WAC: variants seen among roughly 807,000 people sequenced by gnomAD.
The protein encoded by WAC is WW domain containing adaptor with coiled-coil, also known as WW domain-containing adapter protein with coiled-coil.
WAC carries 11 observed loss-of-function variants against 79.6 expected under a neutral mutation model. That is an observed-to-expected ratio of 0.14 (90% CI 0.09 to 0.23). WAC has a LOEUF of 0.23. WAC is among the 10% of genes least tolerant of loss of function. WAC has a pLI of 1.00. For missense variants in WAC, 728 were observed against 773.5 expected (o/e 0.94, Z 0.70); for synonymous variants, 304 against 276.9 (o/e 1.10, Z -0.97).
chr10:28,593,932 G>A (rs958963232), intron 6 of WAC, among the ~76,000 whole-genome samples: 10 of 152,006 alleles, frequency 6.6e-5, no homozygotes, highest in African/African-American at 1.9e-4. Flanking sequence ...TGACACTTTG[G>A]GTGAAGTAAT....
At chr10:28,553,428 C>T (rs1837808526) in intron 3 of WAC, among the ~76,000 whole-genome samples, 1 of 151,978 alleles carries the variant, frequency 6.6e-6, no homozygotes, top group Non-Finnish European at 1.5e-5. Context: ...TAAACTTAAT[C>T]CACTGGGCAA....
At chr10:28,553,870 G>T (rs1395907467) in intron 3 of WAC, among the ~76,000 whole-genome samples, 1 of 152,086 alleles carries the variant, frequency 6.6e-6, no homozygotes, top group Non-Finnish European at 1.5e-5. Context: ...GTAATCTAGA[G>T]ATTTTTTTTC....
At chr10:28,576,428 G>T (rs1376155960) in intron 3 of WAC, among the ~76,000 whole-genome samples, 1 of 152,160 alleles carries the variant, frequency 6.6e-6, no homozygotes, top group Admixed American at 6.5e-5. Flanking sequence ...TCATTTGTTT[G>T]TGACAGATAT....
At chr10:28,559,205 G>T (rs933883137) in intron 3 of WAC, among the ~76,000 whole-genome samples, 3 of 151,512 alleles carry the variant, frequency 2.0e-5, no homozygotes, top group Non-Finnish European at 2.9e-5. Flanking sequence ...ATATGAGTTG[G>T]TGATAGTGCT....
At chr10:28,558,708 T>TA (rs1838133349) in intron 3 of WAC, among the ~76,000 whole-genome samples, 3 of 152,162 alleles carry the variant, frequency 2.0e-5, no homozygotes, top group African/African-American at 7.2e-5. Flanking sequence ...TAATAGTGAG[T>TA]TTGCTTTACA....
rs573966786 is a variant in WAC, at chr10:28,614,768, T to C, written c.1556+83T>C. On this transcript the variant is annotated intron_variant, in intron 11 of 13. Coordinates refer to ENST00000354911, the MANE Select transcript of WAC (RefSeq NM_016628.5). ...TTGTTTGAATATTATATCTGTAAAA[T>C]AGAACTTAACCTTTAAACTCCATGA... is the stretch of plus-strand genomic sequence containing the variant. 5 of 1,180,722 alleles carry C rather than the reference T, an allele frequency of 4.2e-6. No individual in the cohort carries two copies. In the Admixed American group the frequency reaches 1.0e-4, roughly 24 times the overall value. The allele number at this position is 1,180,722 out of a possible 1,614,324, so 73.1% of individuals were successfully genotyped here.
chr10:28,612,520 CTGGTCTAAATGGTAAA>C, intron 10 of WAC, among the ~76,000 whole-genome samples: 1 of 152,288 alleles, frequency 6.6e-6, no homozygotes, highest in East Asian at 1.9e-4. Flanking sequence ...TAGAAAATTG[CTGGTCTAAATGGTAAA>C]TGTAGGGGGA....
chr10:28,533,554 GAC>G lies in WAC; in HGVS notation c.-19_-18del. 1.5e-6 allele frequency: 2 copies of G among 1,355,596 alleles called. No homozygotes were observed. The allele number at this position is 1,355,596 out of a possible 1,614,324, so 84.0% of individuals were successfully genotyped here. ...TTCGCGGCCGCTCTCCCCCCTCCCC[GAC>G]ACACACTCACAGGCCGGGCATTGAT... On this transcript the variant is annotated 5_prime_UTR_variant, in exon 1 of 14. Coordinates refer to ENST00000354911, the MANE Select transcript of WAC (RefSeq NM_016628.5).
chr10:28,566,300 G>A (rs1034251465), intron 3 of WAC, among the ~76,000 whole-genome samples: 2 of 152,160 alleles, frequency 1.3e-5, no homozygotes, highest in African/African-American at 4.8e-5. Context: ...GGTGGGGCAA[G>A]TGTTGACTGT....
intron 2 of WAC, 97 bp from the exon 3 acceptor site, chr10:28,535,465 T>C: frequency 7.2e-7 from 1 of 1,380,788 alleles, no homozygotes; most frequent in Non-Finnish European, 9.7e-7. Flanking sequence ...TGTAAGTTCA[T>C]AAAATTTAAT....
At chr10:28,550,844 G>GC (rs1477738037) in intron 3 of WAC, among the ~76,000 whole-genome samples, 1 of 152,150 alleles carries the variant, frequency 6.6e-6, no homozygotes, top group Non-Finnish European at 1.5e-5. Context: ...TAATTGATGT[G>GC]CTAATTCCAA....
intron 3 of WAC, among the ~76,000 whole-genome samples, chr10:28,557,686 AT>A (rs1385655254): frequency 6.6e-6 from 1 of 151,946 alleles, no homozygotes; most frequent in Non-Finnish European, 1.5e-5. Context: ...AGAATGAGAC[AT>A]TGTGTCTTTA....
chr10:28,537,197 CAG>C (rs1027688472), intron 3 of WAC, among the ~76,000 whole-genome samples: 13 of 152,170 alleles, frequency 8.5e-5, no homozygotes, highest in African/African-American at 3.1e-4. Flanking sequence ...ATTTTTGTAA[CAG>C]TAGTAGCAGG....
Position 28,533,638 on chromosome 10 carries a change from T to A in WAC, c.41+18T>A. On this transcript the variant is annotated intron_variant, in intron 1 of 13. Coordinates refer to ENST00000354911, the MANE Select transcript of WAC (RefSeq NM_016628.5). ...AGTGATGGGTAAATTGTCTTTTCGT[T>A]TCGGGCCGGGCGGCGGCGGGGGGCG... 1 of 1,592,516 alleles carries A rather than the reference T, an allele frequency of 6.3e-7. No homozygotes were observed. Among genetic ancestry groups the A allele is most frequent in the Non-Finnish European group, 8.5e-7 (1 of 1,170,324 alleles).
At chr10:28,552,327 C>G (rs1837724582) in intron 3 of WAC, among the ~76,000 whole-genome samples, 1 of 152,160 alleles carries the variant, frequency 6.6e-6, no homozygotes, top group African/African-American at 2.4e-5. Context: ...TTATCAGAAT[C>G]AGGTGGTTAA....
intron 4 of WAC, 192 bp from the exon 5 acceptor site, chr10:28,589,539 ATATTT>A: frequency 6.4e-6 from 2 of 312,526 alleles, no homozygotes; most frequent in Non-Finnish European, 1.2e-5. Flanking sequence ...CTTAATTTTG[ATATTT>A]TATAAAGTTC....
At chr10:28,617,247 C>T (rs558803709) in intron 12 of WAC, among the ~76,000 whole-genome samples, 3 of 152,082 alleles carry the variant, frequency 2.0e-5, no homozygotes, top group African/African-American at 4.8e-5. Flanking sequence ...CTGGGGTGTT[C>T]GAAAGTTTAC....
chr10:28,557,919 A>C (rs1445047100), intron 3 of WAC, among the ~76,000 whole-genome samples: 1 of 151,090 alleles, frequency 6.6e-6, no homozygotes, highest in African/African-American at 2.4e-5. Context: ...CTAAAAATAC[A>C]AAAAATTAGC....
In WAC at chr10:28,559,136, A is replaced by ATATGTGTGTGTGTGTGTGTG. The variant is rs1554780979; in HGVS notation, c.274+23380_274+23381insATGTGTGTGTGTGTGTGTGT. Among the ~76,000 whole-genome samples, 3 of 146,660 alleles carry ATATGTGTGTGTGTGTGTGTG rather than the reference A, an allele frequency of 2.0e-5. No individual in the cohort carries two copies. In the Admixed American group the frequency reaches 2.0e-4, roughly 10 times the overall value. On this transcript the variant is annotated intron_variant, in intron 3 of 13. Transcript: ENST00000354911. ...TAAATCTCTGCTCTCGAGAAACCTG[A>ATATGTGTGTGTGTGTGTGTG]TGTGTGTGTGTGTGTGTGTGTGTGT...
Sources: gnomAD v4.1 joint callset for allele counts (sites outside exome capture counted in the v4.1 genomes callset) on GRCh38, gnomAD v4.1.1 for gene constraint, MANE v1.5 for transcripts, NCBI Gene and HGNC (gene_info 2026-07-23, HGNC 2026-07-21) for gene names.